The following CHN1 variants were observed in gnomAD, a reference collection of about 807,000 sequenced individuals.
CHN1 encodes chimerin 1.
A neutral mutation model predicts 59.5 loss-of-function variants in CHN1; 37 were observed. That is an observed-to-expected ratio of 0.62 (90% confidence interval 0.48 to 0.82). CHN1 has a LOEUF of 0.82. Among genes scored for constraint, CHN1 ranks in the 40% least tolerant of loss-of-function variants. CHN1 has a pLI of 0.00. For synonymous variants in CHN1, 206 were observed against 200.4 expected, an observed-to-expected ratio of 1.03 and a Z score of -0.24; for missense variants, 469 against 571.0, an observed-to-expected ratio of 0.82 and a Z score of 1.82.
chr2:174,957,852 A>G (rs2105421269), intron 1 of CHN1, among the ~76,000 whole-genome samples: 1 of 152,288 alleles, frequency 6.6e-6, no homozygotes, highest in Non-Finnish European at 1.5e-5. Flanking sequence ...GGGGCCAGCC[A>G]GAGAGTAACT....
chr2:174,895,054 C>T (rs1226951604), intron 5 of CHN1, among the ~76,000 whole-genome samples: 1 of 151,046 alleles, frequency 6.6e-6, no homozygotes, highest in Admixed American at 6.6e-5. Flanking sequence ...CGCGCGCACA[C>T]ACACACACAC....
chr2:174,992,748 C>T (rs1363396148), intron 1 of CHN1, among the ~76,000 whole-genome samples: 1 of 152,196 alleles, frequency 6.6e-6, no homozygotes, highest in Non-Finnish European at 1.5e-5. Context: ...CCAGTTTTAC[C>T]AAGAAGCCTG....
chr2:174,906,867 AG>A (rs1232417828), intron 5 of CHN1, among the ~76,000 whole-genome samples: 1 of 152,170 alleles, frequency 6.6e-6, no homozygotes, highest in Non-Finnish European at 1.5e-5. Flanking sequence ...CAGTCATTTT[AG>A]GTTCATTGAT....
At chr2:174,949,987 C>T (rs1689965538) in intron 2 of CHN1, among the ~76,000 whole-genome samples, 1 of 152,114 alleles carries the variant, frequency 6.6e-6, no homozygotes, top group African/African-American at 2.4e-5. Flanking sequence ...TTCAGCTGGG[C>T]ACAGTGGCTC....
intron 1 of CHN1, among the ~76,000 whole-genome samples, chr2:174,990,266 A>AGG (rs1691499550): frequency 1.2e-5 from 1 of 82,770 alleles, no homozygotes; most frequent in Non-Finnish European, 2.6e-5. Context: ...TGTGTGTGAG[A>AGG]GAGAGAGAGA....
At position 174,878,181 on chromosome 2, in the gene CHN1, C is replaced by T. The variant is rs1200320553; in HGVS notation, c.261-53G>A. 2.1e-6 allele frequency: 3 copies of T among 1,422,168 alleles called. No individual in the cohort carries two copies. The African/African-American group carries it at 4.4e-5, about 21-fold the overall frequency. The allele number at this position is 1,422,168 out of a possible 1,614,324, so 88.1% of individuals were successfully genotyped here. A position where few individuals can be genotyped will look rare whatever the true frequency, so the allele number is the denominator to read the frequency against. On this transcript the variant is annotated intron_variant, in intron 5 of 12. Transcript: ENST00000409900. ...TTTAAGAAAAGTAAGCAACTGAATT[C>T]TTTCTGAAAAAAAAACAAAAACAAA...
chr2:174,949,946 G>A (rs1013964047), intron 2 of CHN1, among the ~76,000 whole-genome samples: 10 of 152,024 alleles, frequency 6.6e-5, no homozygotes, highest in African/African-American at 1.9e-4. Context: ...ATAAAACTCC[G>A]TAACAGAACT....
At chr2:174,992,357 C>A (rs1338274051) in intron 1 of CHN1, among the ~76,000 whole-genome samples, 1 of 152,102 alleles carries the variant, frequency 6.6e-6, no homozygotes, top group Non-Finnish European at 1.5e-5. Context: ...ACTGTTGAAA[C>A]CTACATGCTT....
At chr2:174,993,595 C>T (rs1244219537) in intron 1 of CHN1, among the ~76,000 whole-genome samples, 21 of 147,294 alleles carry the variant, frequency 1.4e-4, no homozygotes, top group Non-Finnish European at 1.5e-5. Context: ...AAACACATGA[C>T]AGTGCTTGAG....
At chr2:174,857,263 G>T (rs759310282) in intron 6 of CHN1, among the ~76,000 whole-genome samples, 12 of 152,226 alleles carry the variant, frequency 7.9e-5, no homozygotes, top group Non-Finnish European at 1.5e-4. Context: ...CGTCCATTTC[G>T]TGGGTCTCCC....
intron 1 of CHN1, among the ~76,000 whole-genome samples, chr2:175,000,449 G>A (rs901330615): frequency 3.3e-5 from 5 of 150,786 alleles, no homozygotes; most frequent in African/African-American, 1.2e-4. Context: ...GATTTTTTTT[G>A]TTTGTTTGTT....
chr2:174,906,407 TAG>T (rs1246840714), intron 5 of CHN1, among the ~76,000 whole-genome samples: 8 of 152,110 alleles, frequency 5.3e-5, no homozygotes, highest in Admixed American at 2.0e-4. Context: ...TTTACATCAA[TAG>T]AGACAAAAGT....
chr2:174,937,776 C>T (rs1352545339), intron 3 of CHN1, among the ~76,000 whole-genome samples: 1 of 151,990 alleles, frequency 6.6e-6, no homozygotes, highest in Non-Finnish European at 1.5e-5. Flanking sequence ...AAAAGCCTGG[C>T]ACCTCATCCT....
At position 174,915,141 on chromosome 2, in the gene CHN1, G is replaced by A. The variant is rs771446302; in HGVS notation, c.177C>T (p.Ala59=). 3.5e-5 allele frequency: 56 copies of A among 1,611,396 alleles called. No individual in the cohort carries two copies. The highest frequency in any genetic ancestry group is 4.5e-5 in the Non-Finnish European group (53 of 1,178,916). The part of the protein sequence containing the change: ...EFHGMISREA[A]DQLLIVAEGS... ...CCTCAGCCACAATCAAGAGCTGGTC[G>A]GCTGCTTCTCTGGAGATCATGCCAT... The change falls in exon 5 of 13, where the codon GCC becomes GCT. Residue 59 remains alanine (A), a synonymous_variant. Coordinates refer to ENST00000409900, the MANE Select transcript of CHN1 (RefSeq NM_001822.7).
At chr2:174,885,137 AT>A (rs1304286471) in intron 5 of CHN1, among the ~76,000 whole-genome samples, 1 of 150,336 alleles carries the variant, frequency 6.7e-6, no homozygotes, top group African/African-American at 2.5e-5. Flanking sequence ...AAAAAAAAAA[AT>A]CAGCCAGGCG....
chr2:174,932,896 T>A (rs1689391227), intron 3 of CHN1, among the ~76,000 whole-genome samples: 1 of 152,212 alleles, frequency 6.6e-6, no homozygotes, highest in Non-Finnish European at 1.5e-5. Context: ...CTCTTTTCTC[T>A]ATGTATTACC....
chr2:174,817,715 G>A (rs1284306352), intron 8 of CHN1, among the ~76,000 whole-genome samples: 2 of 149,090 alleles, frequency 1.3e-5, no homozygotes, highest in Non-Finnish European at 3.0e-5. Flanking sequence ...TCGGCTCACT[G>A]CAAGCTCCGC....
rs374222966 is a variant in CHN1 at position 174,953,164 on chromosome 2, C to CAA, written c.20-964_20-963dup. ...CCAAAAATTTTGATCTCCAAGGAAG[C>CAA]AAAAAAAAAAAAAAAATCCCTGGAA... On this transcript the variant is annotated intron_variant, in intron 1 of 12. Coordinates refer to ENST00000409900, the MANE Select transcript of CHN1 (RefSeq NM_001822.7). Among the ~76,000 whole-genome samples, 44 of 90,584 alleles carry CAA rather than the reference C, an allele frequency of 4.9e-4. No homozygotes were observed. In the East Asian group the frequency reaches 6.3e-3, roughly 13 times the overall value. 59.4% of individuals were successfully genotyped at this position (90,584 alleles called of 152,430 possible).
chr2:174,982,987 A>G (rs1486876950), intron 1 of CHN1, among the ~76,000 whole-genome samples: 1 of 152,168 alleles, frequency 6.6e-6, no homozygotes, highest in African/African-American at 2.4e-5. Context: ...AACCACTACC[A>G]AAGAGAAAAA....
Sources: allele counts gnomAD v4.1 joint callset (sites outside exome capture counted in the v4.1 genomes callset), GRCh38; gene constraint gnomAD v4.1.1; transcripts MANE v1.5; gene names NCBI Gene and HGNC (gene_info 2026-07-23, HGNC 2026-07-21).